Variants in PDLIM5 observed in about 807,000 individuals in gnomAD.
PDLIM5 encodes the protein PDZ and LIM domain 5.
In PDLIM5, 34 loss-of-function variants were observed where a neutral mutation model predicts 64.2. The observed-to-expected ratio is 0.53, with a 90% CI of 0.40 to 0.71. The LOEUF is 0.71. Among genes scored for constraint, PDLIM5 ranks in the 30% least tolerant of loss-of-function variants. The pLI is 0.00. For synonymous variants in PDLIM5, 253 were observed against 269.1 expected, an observed-to-expected ratio of 0.94 and a Z score of 0.59; for missense variants, 683 against 733.6, an observed-to-expected ratio of 0.93 and a Z score of 0.80.
intron 3 of PDLIM5, among the ~76,000 whole-genome samples, chr4:94,547,652 C>G (rs1560693877): frequency 6.6e-6 from 1 of 152,186 alleles, no homozygotes; most frequent in Non-Finnish European, 1.5e-5. Flanking sequence ...TTCTGTCTAA[C>G]ACATTTTGTC....
At chr4:94,458,279 CAATT>C (rs1284831179) in intron 2 of PDLIM5, among the ~76,000 whole-genome samples, 1 of 152,002 alleles carries the variant, frequency 6.6e-6, no homozygotes, top group Non-Finnish European at 1.5e-5. Context: ...TATCAAGAAA[CAATT>C]AAAACCTGAA....
At chr4:94,470,308 A>G (rs1414406826) in intron 2 of PDLIM5, among the ~76,000 whole-genome samples, 1 of 152,094 alleles carries the variant, frequency 6.6e-6, no homozygotes, top group Non-Finnish European at 1.5e-5. Context: ...TGTCTCCCAG[A>G]TGGCTTCTGT....
intron 3 of PDLIM5, among the ~76,000 whole-genome samples, chr4:94,524,355 C>T (rs999491031): frequency 1.7e-5 from 2 of 117,596 alleles, no homozygotes; most frequent in African/African-American, 3.6e-5. Context: ...GGTGACAGAA[C>T]GAGACCCTGT....
rs868090150 is a variant in PDLIM5, at chr4:94,617,684, T to A, written c.921-320T>A. Among the ~76,000 whole-genome samples the A allele has an allele frequency of 4.3e-4, 60 of 139,052 alleles. No individual in the cohort carries two copies. In the South Asian group the frequency reaches 6.4e-3, roughly 15 times the overall value. 91.2% of individuals were successfully genotyped at this position (139,052 alleles called of 152,430 possible). ...AAAAAAAGTAGAAGAAGAAAAAGAG[T>A]AACTGGTAAGGGCTGAGGTGTCAGG... is the stretch of plus-strand genomic sequence containing the variant. On this transcript the variant is annotated intron_variant, in intron 7 of 12. Coordinates refer to ENST00000317968, the MANE Select transcript of PDLIM5 (RefSeq NM_006457.5).
intron 8 of PDLIM5, 73 bp downstream of exon 8, chr4:94,618,264 T>C (rs1280089177): frequency 2.7e-5 from 28 of 1,029,970 alleles, no homozygotes; most frequent in Non-Finnish European, 2.9e-5. Flanking sequence ...CTGGGATATA[T>C]GGTAGAATTC....
intron 3 of PDLIM5, among the ~76,000 whole-genome samples, chr4:94,524,941 G>A (rs1730208023): frequency 6.6e-6 from 1 of 152,130 alleles, no homozygotes; most frequent in African/African-American, 2.4e-5. Context: ...AAGGTAGCTT[G>A]ATCATATACG....
intron 2 of PDLIM5, 35 bp from the exon 3 acceptor site, chr4:94,523,689 A>G (rs1730029252): frequency 6.5e-7 from 1 of 1,550,336 alleles, no homozygotes; most frequent in Non-Finnish European, 8.8e-7. Flanking sequence ...TCTTTTTCAA[A>G]GAGTGACACT....
At chr4:94,528,785 G>A (rs535074729) in intron 3 of PDLIM5, among the ~76,000 whole-genome samples, 38 of 152,164 alleles carry the variant, frequency 2.5e-4, no homozygotes, top group African/African-American at 8.7e-4. Context: ...TATATTACAC[G>A]GAATATTATA....
At chr4:94,628,505 G>A (rs1361530146) in intron 8 of PDLIM5, among the ~76,000 whole-genome samples, 1 of 151,798 alleles carries the variant, frequency 6.6e-6, no homozygotes, top group East Asian at 1.9e-4. Context: ...TTGACATTGA[G>A]AAATCTTAAA....
chr4:94,486,454 T>A (rs149680755), intron 2 of PDLIM5, among the ~76,000 whole-genome samples: 1 of 152,222 alleles, frequency 6.6e-6, no homozygotes, highest in Non-Finnish European at 1.5e-5. Flanking sequence ...TGACAAACAC[T>A]GCAATTTGCC....
At chr4:94,550,932 C>T in intron 3 of PDLIM5, among the ~76,000 whole-genome samples, 1 of 151,740 alleles carries the variant, frequency 6.6e-6, no homozygotes, top group Non-Finnish European at 1.5e-5. Context: ...TAAATAGATA[C>T]AGAAAGAAGT....
chr4:94,655,883 A>G (rs994242369), intron 10 of PDLIM5, among the ~76,000 whole-genome samples: 4 of 152,176 alleles, frequency 2.6e-5, no homozygotes, highest in African/African-American at 7.2e-5. Context: ...CAAGGATGGA[A>G]AGGGAAGAAT....
intron 3 of PDLIM5, among the ~76,000 whole-genome samples, chr4:94,555,803 C>A (rs1181905203): frequency 6.6e-6 from 1 of 151,720 alleles, no homozygotes; most frequent in South Asian, 2.1e-4. Flanking sequence ...TTGGGAATAA[C>A]CCTGTGAGGT....
intron 7 of PDLIM5, among the ~76,000 whole-genome samples, chr4:94,591,571 G>A (rs1011315952): frequency 1.3e-5 from 2 of 152,156 alleles, no homozygotes; most frequent in African/African-American, 4.8e-5. Flanking sequence ...CCCTAGGCTT[G>A]GTGGTGCTGC....
intron 2 of PDLIM5, among the ~76,000 whole-genome samples, chr4:94,479,757 G>A (rs1275838969): frequency 6.6e-6 from 1 of 151,828 alleles, no homozygotes; most frequent in Non-Finnish European, 1.5e-5. Flanking sequence ...CATATCTTGT[G>A]TTTTTTTTAC....
At chr4:94,525,821 A>G (rs1420711983) in intron 3 of PDLIM5, among the ~76,000 whole-genome samples, 1 of 152,206 alleles carries the variant, frequency 6.6e-6, no homozygotes, top group African/African-American at 2.4e-5. Context: ...TTGATAGGCT[A>G]TTAGCTATAC....
intron 7 of PDLIM5, among the ~76,000 whole-genome samples, chr4:94,611,651 G>T (rs1738376316): frequency 6.6e-6 from 1 of 152,162 alleles, no homozygotes; most frequent in Non-Finnish European, 1.5e-5. Flanking sequence ...AATTTTCACT[G>T]TATTTGGGAA....
intron 3 of PDLIM5, among the ~76,000 whole-genome samples, chr4:94,553,116 C>G (rs571520516): frequency 6.6e-6 from 1 of 151,782 alleles, no homozygotes; most frequent in East Asian, 2.0e-4. Context: ...TTTAAATTAT[C>G]AGTTTTATTA....
In PDLIM5 at chr4:94,654,566, GC is replaced by G; in HGVS notation, c.1393del (p.Leu465CysfsTer30). The G allele has an allele frequency of 6.2e-7, 1 of 1,612,290 alleles. No homozygotes were observed. The highest frequency in any genetic ancestry group is 8.5e-7 in the Non-Finnish European group (1 of 1,178,348). On this transcript the variant is annotated frameshift_variant, in exon 10 of 13. Coordinates refer to ENST00000317968, the MANE Select transcript of PDLIM5 (RefSeq NM_006457.5). LOFTEE classifies it high-confidence loss of function. ...AYIGFVEEKG[A>X]LYCELCYEKF... is the part of the protein sequence containing the mutation. Reference sequence around the variant, plus strand: ...CATTGGATTTGTAGAGGAGAAAGGAGCCCTGTATTGTGAGCTGTGCTATGAG... The same window carrying G: ...CATTGGATTTGTAGAGGAGAAAGGAGCCTGTATTGTGAGCTGTGCTATGAG...
Sources: allele counts gnomAD v4.1 joint callset (sites outside exome capture counted in the v4.1 genomes callset), GRCh38; gene constraint gnomAD v4.1.1; transcripts MANE v1.5; gene names NCBI Gene and HGNC (gene_info 2026-07-23, HGNC 2026-07-21).